PAICS: variants seen among roughly 807,000 people sequenced by gnomAD.
PAICS encodes phosphoribosylaminoimidazole carboxylase and phosphoribosylaminoimidazolesuccinocarboxamide synthase, also known as bifunctional phosphoribosylaminoimidazole carboxylase/phosphoribosylaminoimidazole succinocarboxamide synthetase.
PAICS carries 33 observed loss-of-function variants against 53.7 expected under a neutral mutation model. That is an observed-to-expected ratio of 0.61 (90% CI 0.47 to 0.82). The LOEUF (loss-of-function observed/expected upper bound fraction) is 0.82. Ranked by LOEUF, PAICS falls within the 40% of genes least tolerant of loss-of-function variation. PAICS has a pLI of 0.00. For synonymous variants in PAICS, 141 were observed against 167.2 expected, an observed-to-expected ratio of 0.84 and a Z score of 1.21; for missense variants, 394 against 494.1, an observed-to-expected ratio of 0.80 and a Z score of 1.92.
chr4:56,435,522 G>T (rs1273840487), upstream of PAICS: 1 of 1,611,910 alleles, frequency 6.2e-7, no homozygotes, highest in African/African-American at 1.3e-5. Flanking sequence ...TGCGGCCAAG[G>T]TGTAAGCACC....
chr4:56,418,627 C>A, the PAICS span, among the ~76,000 whole-genome samples: 1 of 152,116 alleles, frequency 6.6e-6, no homozygotes, highest in Non-Finnish European at 1.5e-5. Flanking sequence ...CCAAAAATTC[C>A]TTTCTTTAAT....
In PAICS at chr4:56,446,866, T is replaced by A; in HGVS notation, c.386T>A (p.Phe129Tyr). ...YKFYPPKVEL[F>Y]FKDDANNDPQ... Reference sequence around the variant, plus strand: ...TTTTACCCACCTAAAGTGGAGTTGTTTTTCAAGGTAATTATCTTATGCCTC... The same window carrying A: ...TTTTACCCACCTAAAGTGGAGTTGTATTTCAAGGTAATTATCTTATGCCTC... Residue 129 changes from phenylalanine to tyrosine, a missense_variant, in exon 3 of 9, where the codon TTT (phenylalanine) becomes TAT (tyrosine). By Grantham distance (22) the Phe-to-Tyr change is conservative. Coordinates refer to ENST00000512576, the MANE Select transcript of PAICS (RefSeq NM_001079524.2). 1 of 1,597,658 alleles carries A rather than the reference T, an allele frequency of 6.3e-7. No individual in the cohort carries two copies. The highest frequency in any genetic ancestry group is 8.6e-7 in the Non-Finnish European group (1 of 1,168,816).
intron 2 of PAICS, chr4:56,446,356 G>C (rs146423280): frequency 1.4e-6 from 1 of 717,574 alleles, no homozygotes; most frequent in African/African-American, 1.7e-5. Context: ...GCCTATTCTA[G>C]TTACCTCATA....
Position 56,459,893 on chromosome 4 carries a change from A to ATT in PAICS, c.*371_*372dup, listed in dbSNP as rs878904282. 0.079 allele frequency: 11,089 copies of ATT among 140,158 alleles called. 558 individuals carry two copies. Among genetic ancestry groups the ATT allele is most frequent in the East Asian group, 0.25 (1,186 of 4,764 alleles). The allele number at this position is 140,158 out of a possible 1,614,324, so 8.7% of individuals were successfully genotyped here. On this transcript the variant is annotated 3_prime_UTR_variant, in exon 9 of 9. Transcript: ENST00000512576. ...CCCAGCTATATTTCTCCAGACTTGC[A>ATT]TTTTTTTTTTTTTTTTTGAGACAGG...
In PAICS at chr4:56,441,848, T is replaced by C. The variant is rs770971780; in HGVS notation, c.202T>C (p.Leu68=). Residue 68 remains leucine, a synonymous_variant, in exon 2 of 9, where the codon TTA becomes CTA. Coordinates refer to ENST00000512576, the MANE Select transcript of PAICS (RefSeq NM_001079524.2). ...NKITSCIFQL[L]QEAGIKTAFT... ...AATCACCAGTTGTATTTTTCAGTTA[T>C]TACAGGAAGCAGGTAAGCAGCTCCC... 1 of 1,594,466 alleles carries C rather than the reference T, an allele frequency of 6.3e-7. No homozygotes were observed. The highest frequency in any genetic ancestry group is 8.5e-7 in the Non-Finnish European group (1 of 1,169,996).
chr4:56,418,505 G>C, the PAICS span, among the ~76,000 whole-genome samples: 3 of 151,862 alleles, frequency 2.0e-5, no homozygotes, highest in Non-Finnish European at 4.4e-5. Flanking sequence ...TTTTTTTGTA[G>C]ATACAGGTTT....
intron 8 of PAICS, among the ~76,000 whole-genome samples, chr4:56,455,742 C>T (rs1209728123): frequency 6.6e-6 from 1 of 152,216 alleles, no homozygotes; most frequent in Non-Finnish European, 1.5e-5. Context: ...CAGTTGAGGA[C>T]TCCATTGCTT....
In PAICS at chr4:56,453,723, G is replaced by A; in HGVS notation, c.1073G>A (p.Gly358Glu). ...TGTCCTCCCCTCACACCAGACTGGGGAGTTCAGGATGTGTGGTCTTCTCTT... is the reference window on the plus strand; with the variant it reads ...TGTCCTCCCCTCACACCAGACTGGGAAGTTCAGGATGTGTGGTCTTCTCTT... ...ISCPPLTPDW[G>E]VQDVWSSLRL... Residue 358 changes from glycine (G) to glutamate (E), a missense_variant, in exon 8 of 9, where the codon GGA becomes GAA. Physicochemically the swap from Gly to Glu is moderately conservative, Grantham distance 98. Around this residue, in one of 3 missense-constraint regions of PAICS, gnomAD observed 95 missense variants for 89.3 expected, o/e 1.06. Coordinates refer to ENST00000512576, the MANE Select transcript of PAICS (RefSeq NM_001079524.2). 6.4e-7 allele frequency: 1 copy of A among 1,552,134 alleles called. No homozygotes were observed. The highest frequency in any genetic ancestry group is 8.7e-7 in the Non-Finnish European group (1 of 1,146,448).
Position 56,445,239 on chromosome 4 carries a change from AC to A in PAICS, c.215-1454del, listed in dbSNP as rs1718550934. On this transcript the variant is annotated intron_variant, in intron 2 of 8. Coordinates refer to ENST00000512576, the MANE Select transcript of PAICS (RefSeq NM_001079524.2). ...GGCTCCATTACCAAATGGCTACATGACCTAGTGTGTGAAATTACTTCTTTGA... is the reference window on the plus strand; with the variant it reads ...GGCTCCATTACCAAATGGCTACATGACTAGTGTGTGAAATTACTTCTTTGA... Among the ~76,000 whole-genome samples the A allele has an allele frequency of 2.6e-5, 4 of 152,156 alleles. No individual in the cohort carries two copies. The South Asian group carries it at 6.2e-4, about 24-fold the overall frequency.
At chr4:56,436,466 C>T in intron 1 of PAICS, 138 bp downstream of exon 1, 1 of 759,940 alleles carries the variant, frequency 1.3e-6, no homozygotes, top group South Asian at 1.5e-5. Context: ...GCACACGTGG[C>T]CCAGGCGCTC....
intron 1 of PAICS, among the ~76,000 whole-genome samples, chr4:56,438,395 A>ATG (rs1282085751): frequency 3.0e-5 from 3 of 100,594 alleles, no homozygotes; most frequent in African/African-American, 1.1e-4. Context: ...ATATATATAT[A>ATG]TATATATAAA....
chr4:56,433,212 CCTT>C (rs1404928325), upstream of PAICS, among the ~76,000 whole-genome samples: 1 of 151,668 alleles, frequency 6.6e-6, no homozygotes, highest in Non-Finnish European at 1.5e-5. Context: ...TCTTTGTGCA[CCTT>C]AATGATTCTA....
intron 1 of PAICS, among the ~76,000 whole-genome samples, chr4:56,437,258 TG>T (rs1256572586): frequency 1.2e-5 from 1 of 85,118 alleles, no homozygotes; most frequent in African/African-American, 4.7e-5. Context: ...GCCATGATGG[TG>T]TGTGTGTGTG....
At chr4:56,428,092 C>T in the PAICS span, among the ~76,000 whole-genome samples, 1 of 152,126 alleles carries the variant, frequency 6.6e-6, no homozygotes, top group South Asian at 2.1e-4. Flanking sequence ...TTAGAATATA[C>T]TGTTTGAATA....
Position 56,463,057 on chromosome 4 carries a change from A to G in PAICS, c.*3519A>G, listed in dbSNP as rs1192080432. 1 of 152,122 alleles carries G rather than the reference A, an allele frequency of 6.6e-6. No individual in the cohort carries two copies. The highest frequency in any genetic ancestry group is 6.5e-5 in the Admixed American group (1 of 15,270). 9.4% of individuals were successfully genotyped at this position (152,122 alleles called of 1,614,324 possible). On this transcript the variant is annotated 3_prime_UTR_variant, in exon 9 of 9. Coordinates refer to ENST00000512576, the MANE Select transcript of PAICS (RefSeq NM_001079524.2). ...ATTCAATATTGCCATCGGCTGATTT[A>G]ATTTCTAATATGAAGAAAGGGGCAG...
the PAICS span, among the ~76,000 whole-genome samples, chr4:56,419,357 A>G: frequency 3.3e-5 from 5 of 151,990 alleles, no homozygotes; most frequent in Admixed American, 6.6e-5. Flanking sequence ...TATGGAAGAG[A>G]AAAAAAAGGT....
intron 7 of PAICS, among the ~76,000 whole-genome samples, chr4:56,452,392 A>G (rs1224250409): frequency 6.6e-6 from 1 of 152,072 alleles, no homozygotes. Context: ...GTTAGCCAGG[A>G]TGGTCTTGAC....
At chr4:56,453,288 C>T (rs2110095155) in intron 7 of PAICS, among the ~76,000 whole-genome samples, 1 of 152,192 alleles carries the variant, frequency 6.6e-6, no homozygotes, top group East Asian at 1.9e-4. Context: ...TCACTTTGGC[C>T]AGCCTATACA....
chr4:56,421,200 T>C, the PAICS span: 1 of 153,272 alleles, frequency 6.5e-6, no homozygotes, highest in Non-Finnish European at 1.5e-5. Flanking sequence ...GGATCTAGGT[T>C]GTGTGCTCCT....
Sources: gnomAD v4.1 joint callset for allele counts (sites outside exome capture counted in the v4.1 genomes callset) on GRCh38, gnomAD v4.1.1 for gene constraint, gnomAD v4.1.1 regional missense constraint, MANE v1.5 for transcripts, NCBI Gene and HGNC (gene_info 2026-07-23, HGNC 2026-07-21) for gene names.